Variants in MOB3B observed in about 807,000 individuals in gnomAD.
MOB3B encodes MOB kinase activator 3B.
A neutral mutation model predicts 18.7 loss-of-function variants in MOB3B; 7 were observed. That is an observed-to-expected ratio of 0.37 (90% CI 0.21 to 0.70). The LOEUF is 0.70. Among genes scored for constraint, MOB3B ranks in the 30% least tolerant of loss-of-function variants. The pLI is 0.52. For synonymous variants in MOB3B, 111 were observed against 99.9 expected (o/e 1.11, Z -0.66); for missense variants, 253 against 281.3 (o/e 0.90, Z 0.72).
In MOB3B at chr9:27,520,905, T is replaced by C. The variant is rs545960677; in HGVS notation, c.-199+8650A>G. ...AGAAAAACAATGAATGACTTTTTAG[T>C]AGGTATGTCCCAAATATTGCATGAG... On this transcript the variant is annotated intron_variant, in intron 1 of 3. Transcript: ENST00000262244. Among the ~76,000 whole-genome samples the C allele has an allele frequency of 2.0e-5, 3 of 152,340 alleles. No individual in the cohort carries two copies. In the East Asian group the frequency reaches 5.8e-4, roughly 29 times the overall value.
At chr9:27,406,272 T>C (rs1211502239) in intron 2 of MOB3B, among the ~76,000 whole-genome samples, 2 of 152,232 alleles carry the variant, frequency 1.3e-5, no homozygotes, top group Admixed American at 1.3e-4. Context: ...CATTTTTGTA[T>C]GCCAACAGTG....
Position 27,330,389 on chromosome 9 carries a change from A to C in MOB3B, c.*198T>G. The C allele has an allele frequency of 1.7e-6, 1 of 602,208 alleles. No individual in the cohort carries two copies. The highest frequency in any genetic ancestry group is 2.8e-6 in the Non-Finnish European group (1 of 353,056). The allele number at this position is 602,208 out of a possible 1,614,324, so 37.3% of individuals were successfully genotyped here. A position where few individuals can be genotyped will look rare whatever the true frequency, so the allele number is the denominator to read the frequency against. On this transcript the variant is annotated 3_prime_UTR_variant, in exon 4 of 4. Coordinates refer to ENST00000262244, the MANE Select transcript of MOB3B (RefSeq NM_024761.5). ...TCACGTTGTGGTCTGCCTCGTCCAC[A>C]GGTCTGGGCTAGCAGCACTCAGAAG...
Position 27,529,779 on chromosome 9 carries a change from C to G in MOB3B, c.-423G>C, listed in dbSNP as rs1039742883. On this transcript the variant is annotated 5_prime_UTR_variant, in exon 1 of 4. Coordinates refer to ENST00000262244, the MANE Select transcript of MOB3B (RefSeq NM_024761.5). ...GTCGCTCCGGAGCAGCCCCCTCATG[C>G]ACCCAGCGCGCCGCGCAGCCGGCCG... 1.0e-6 allele frequency: 1 copy of G among 985,356 alleles called. No individual in the cohort carries two copies. Among genetic ancestry groups the G allele is most frequent in the Non-Finnish European group, 1.2e-6 (1 of 829,988 alleles). The allele number at this position is 985,356 out of a possible 1,614,324, so 61.0% of individuals were successfully genotyped here. A position where few individuals can be genotyped will look rare whatever the true frequency, so the allele number is the denominator to read the frequency against.
intron 1 of MOB3B, among the ~76,000 whole-genome samples, chr9:27,485,627 AC>A: frequency 6.6e-6 from 1 of 152,314 alleles, no homozygotes; most frequent in East Asian, 1.9e-4. Flanking sequence ...AACTGATTTT[AC>A]ATCCTACATT....
chr9:27,390,893 C>G (rs1041509661), intron 2 of MOB3B, among the ~76,000 whole-genome samples: 1 of 152,158 alleles, frequency 6.6e-6, no homozygotes, highest in Non-Finnish European at 1.5e-5. Context: ...GCTTCCTCCC[C>G]GCTTCCACCA....
intron 2 of MOB3B, among the ~76,000 whole-genome samples, chr9:27,381,131 T>C (rs1821571839): frequency 6.6e-6 from 1 of 152,126 alleles, no homozygotes; most frequent in South Asian, 2.1e-4. Flanking sequence ...TGCTGCTGAA[T>C]GGTGGAAGGA....
At chr9:27,391,222 T>C (rs1045687965) in intron 2 of MOB3B, among the ~76,000 whole-genome samples, 1 of 152,232 alleles carries the variant, frequency 6.6e-6, no homozygotes, top group Non-Finnish European at 1.5e-5. Flanking sequence ...GGTGTTTGGC[T>C]GAGCACATCC....
At chr9:27,413,068 C>T (rs1822096261) in intron 2 of MOB3B, among the ~76,000 whole-genome samples, 1 of 152,216 alleles carries the variant, frequency 6.6e-6, no homozygotes, top group Non-Finnish European at 1.5e-5. Context: ...TTCCTATCTT[C>T]TGTCTCCTGC....
At chr9:27,368,787 T>C (rs560827995) in intron 2 of MOB3B, among the ~76,000 whole-genome samples, 2 of 152,326 alleles carry the variant, frequency 1.3e-5, no homozygotes, top group South Asian at 2.1e-4. Flanking sequence ...ACATGCCATG[T>C]GCTGGGCATA....
intron 2 of MOB3B, among the ~76,000 whole-genome samples, chr9:27,417,051 C>T (rs1822161060): frequency 1.3e-5 from 2 of 152,140 alleles, no homozygotes; most frequent in South Asian, 4.1e-4. Context: ...CATGAAGATA[C>T]AGGATGTATT....
intron 1 of MOB3B, among the ~76,000 whole-genome samples, chr9:27,483,508 T>G (rs143050676): frequency 3.2e-4 from 48 of 152,368 alleles, no homozygotes; most frequent in African/African-American, 1.1e-3. Flanking sequence ...TAAAAATATT[T>G]TCTTGTGCAT....
intron 2 of MOB3B, among the ~76,000 whole-genome samples, chr9:27,404,431 C>T (rs1457912112): frequency 7.4e-6 from 1 of 134,640 alleles, no homozygotes; most frequent in Admixed American, 8.3e-5. Flanking sequence ...TCTCAGCTCA[C>T]TACAACCTCT....
At chr9:27,519,396 A>C (rs954933104) in intron 1 of MOB3B, among the ~76,000 whole-genome samples, 36 of 152,220 alleles carry the variant, frequency 2.4e-4, no homozygotes, top group African/African-American at 8.4e-4. Flanking sequence ...AGTCACACAG[A>C]TAAACTTCTA....
chr9:27,428,811 C>T (rs572220949), intron 2 of MOB3B, among the ~76,000 whole-genome samples: 1 of 152,194 alleles, frequency 6.6e-6, no homozygotes, highest in African/African-American at 2.4e-5. Context: ...CAATGGTAAC[C>T]CATGTAGATA....
chr9:27,465,197 G>C (rs191715071), intron 1 of MOB3B, among the ~76,000 whole-genome samples: 5 of 152,158 alleles, frequency 3.3e-5, no homozygotes, highest in Admixed American at 6.5e-5. Flanking sequence ...CACAATGTGC[G>C]TACAGGTATT....
chr9:27,372,774 G>A (rs1821441391), intron 2 of MOB3B, among the ~76,000 whole-genome samples: 1 of 152,158 alleles, frequency 6.6e-6, no homozygotes, highest in Admixed American at 6.5e-5. Context: ...AAGGAGATGT[G>A]CTGACTAAAT....
At chr9:27,524,233 ACTC>A in intron 1 of MOB3B, 3 of 1,228,782 alleles carry the variant, frequency 2.4e-6, no homozygotes, top group South Asian at 3.5e-5. Flanking sequence ...GAATGAGAAA[ACTC>A]CTCCTGCTGA....
At chr9:27,500,221 G>A (rs960684163) in intron 1 of MOB3B, among the ~76,000 whole-genome samples, 2 of 152,158 alleles carry the variant, frequency 1.3e-5, no homozygotes, top group Middle Eastern at 3.4e-3. Flanking sequence ...GTGCTGGGTT[G>A]GGGGGTGGGG....
intron 2 of MOB3B, among the ~76,000 whole-genome samples, chr9:27,435,206 T>C (rs955090169): frequency 2.6e-5 from 4 of 152,120 alleles, no homozygotes; most frequent in Non-Finnish European, 4.4e-5. Context: ...AACCAGAGTT[T>C]CCCCACACTC....
Sources: gnomAD v4.1 joint callset for allele counts (sites outside exome capture counted in the v4.1 genomes callset) on GRCh38, gnomAD v4.1.1 for gene constraint, MANE v1.5 for transcripts, NCBI Gene and HGNC (gene_info 2026-07-23, HGNC 2026-07-21) for gene names.